Variants in OR2L3 observed in about 807,000 individuals in gnomAD.
OR2L3 encodes olfactory receptor 2L3.
For missense variants in OR2L3, 369 were observed against 376.6 expected (o/e 0.98, Z 0.17); for synonymous variants, 131 against 139.1 (o/e 0.94, Z 0.41).
rs1663675802 is a variant in OR2L3, at chr1:248,062,498, T to C, written c.*878T>C. ...AAGGTTTTGCTTGTTCTCACTCCTA[T>C]GCGAGAGCTAGAATTTTTAAAAACT... is the stretch of plus-strand genomic sequence containing the variant. On this transcript the variant is annotated 3_prime_UTR_variant, in exon 2 of 2. Coordinates refer to ENST00000359959, the MANE Select transcript of OR2L3 (RefSeq NM_001004687.2). 1.3e-5 allele frequency: 2 copies of C among 152,136 alleles called. No homozygotes were observed. Among genetic ancestry groups the C allele is most frequent in the Non-Finnish European group, 2.9e-5 (2 of 68,040 alleles). 9.4% of individuals were successfully genotyped at this position (152,136 alleles called of 1,614,324 possible).
intron 1 of OR2L3, among the ~76,000 whole-genome samples, chr1:248,059,536 G>T (rs553073289): frequency 9.2e-5 from 14 of 152,268 alleles, no homozygotes; most frequent in African/African-American, 2.2e-4. Context: ...AGGCAAAAGA[G>T]AATGGATGAT....
At chr1:248,051,140 T>C (rs1663250136) in intron 1 of OR2L3, 1 of 152,134 alleles carries the variant, frequency 6.6e-6, no homozygotes, top group Non-Finnish European at 1.5e-5. Context: ...TAACACTTTG[T>C]TTTTGTTAAA....
At chr1:248,046,970 A>G (rs2103105687) in intron 1 of OR2L3, 90 bp downstream of exon 1, 1 of 152,300 alleles carries the variant, frequency 6.6e-6, no homozygotes, top group South Asian at 2.1e-4. Context: ...TTTCAGAAAT[A>G]GAATTGAGGT....
chr1:248,055,694 T>C, intron 1 of OR2L3: 1 of 152,352 alleles, frequency 6.6e-6, no homozygotes, highest in Non-Finnish European at 1.5e-5. Context: ...GAGGCGAAGG[T>C]CGCAGTGAGC....
At chr1:248,048,919 C>CTTT (rs1452819134) in intron 1 of OR2L3, among the ~76,000 whole-genome samples, 167 of 138,242 alleles carry the variant, frequency 1.2e-3, no homozygotes, top group African/African-American at 5.2e-3. Flanking sequence ...CCTTTTCTCT[C>CTTT]TCTCTTTTTT....
At chr1:248,057,493 T>C (rs1335151100) in intron 1 of OR2L3, among the ~76,000 whole-genome samples, 1 of 152,202 alleles carries the variant, frequency 6.6e-6, no homozygotes, top group East Asian at 1.9e-4. Context: ...GCTTGGTAAA[T>C]TTTTCTCTAT....
chr1:248,060,644 CT>C lies in OR2L3; in HGVS notation c.-21-15del, dbSNP rs761619413. On this transcript the variant is annotated splice_polypyrimidine_tract_variant and intron_variant, in intron 1 of 1. Coordinates refer to ENST00000359959, the MANE Select transcript of OR2L3 (RefSeq NM_001004687.2). ...GACGAATTTCTGTGCTTAACTTACC[CT>C]TGTGTCTCCCTTCAGGAAAGAGCAC... 7.9e-6 allele frequency: 12 copies of C among 1,528,418 alleles called. No individual in the cohort carries two copies. Among genetic ancestry groups the C allele is most frequent in the South Asian group, 1.2e-5 (1 of 83,050 alleles). The allele number at this position is 1,528,418 out of a possible 1,614,324, so 94.7% of individuals were successfully genotyped here. A position where few individuals can be genotyped will look rare whatever the true frequency, so the allele number is the denominator to read the frequency against.
At position 248,048,919 on chromosome 1, in the gene OR2L3, C is replaced by CTT. The variant is rs1452819134; in HGVS notation, c.-22+2040_-22+2041insTT. On this transcript the variant is annotated intron_variant, in intron 1 of 1. Transcript: ENST00000359959. ...CCCAGCTTTTTCTTTCCTTTTCTCT[C>CTT]TCTCTTTTTTTTTTTTTTGGTAAAT... Among the ~76,000 whole-genome samples, 712 of 138,230 alleles carry CTT rather than the reference C, an allele frequency of 5.2e-3. 4 individuals carry two copies. Among genetic ancestry groups the CTT allele is most frequent in the African/African-American group, 0.021 (642 of 31,064 alleles). 90.7% of individuals were successfully genotyped at this position (138,230 alleles called of 152,430 possible). A position where few individuals can be genotyped will look rare whatever the true frequency, so the allele number is the denominator to read the frequency against.
intron 1 of OR2L3, among the ~76,000 whole-genome samples, chr1:248,051,737 T>C (rs1221002252): frequency 1.3e-5 from 2 of 152,048 alleles, no homozygotes; most frequent in Admixed American, 6.5e-5. Flanking sequence ...TAAAAAAAAA[T>C]CCAAAAATGT....
At chr1:248,050,130 C>T (rs1663212571) in intron 1 of OR2L3, among the ~76,000 whole-genome samples, 1 of 152,100 alleles carries the variant, frequency 6.6e-6, no homozygotes, top group African/African-American at 2.4e-5. Context: ...CTGCCTTTCA[C>T]ATGAGACGTA....
At chr1:248,051,727 T>A (rs1553279012) in intron 1 of OR2L3, among the ~76,000 whole-genome samples, 1 of 151,484 alleles carries the variant, frequency 6.6e-6, no homozygotes, top group Non-Finnish European at 1.5e-5. Context: ...ACTCCCTGAA[T>A]AAAAAAAAAT....
chr1:248,053,476 G>C (rs749377597), intron 1 of OR2L3, among the ~76,000 whole-genome samples: 2 of 152,142 alleles, frequency 1.3e-5, no homozygotes, highest in Non-Finnish European at 2.9e-5. Context: ...ACCCAGTAAC[G>C]GGAATGCCGG....
chr1:248,060,547 A>G (rs909576786), intron 1 of OR2L3, 114 bp from the exon 2 acceptor site: 3 of 696,588 alleles, frequency 4.3e-6, no homozygotes, highest in African/African-American at 3.6e-5. Flanking sequence ...ATAATAGTGT[A>G]TATAGGGCTC....
intron 1 of OR2L3, among the ~76,000 whole-genome samples, chr1:248,048,139 T>C (rs933858627): frequency 6.6e-6 from 1 of 152,192 alleles, no homozygotes; most frequent in African/African-American, 2.4e-5. Flanking sequence ...GAAATGTCTG[T>C]CTGCCCACTT....
In OR2L3 at chr1:248,060,679, C is replaced by T; in HGVS notation, c.-3C>T. On this transcript the variant is annotated 5_prime_UTR_variant, in exon 2 of 2. Coordinates refer to ENST00000359959, the MANE Select transcript of OR2L3 (RefSeq NM_001004687.2). ...CCTTCAGGAAAGAGCACACGAATGC[C>T]CCATGGAAAATTACAATCAAACATC... 1.2e-6 allele frequency: 2 copies of T among 1,608,378 alleles called. No individual in the cohort carries two copies. Among genetic ancestry groups the T allele is most frequent in the Non-Finnish European group, 1.7e-6 (2 of 1,176,188 alleles).
At chr1:248,058,026 G>A (rs1663496183) in intron 1 of OR2L3, among the ~76,000 whole-genome samples, 1 of 152,106 alleles carries the variant, frequency 6.6e-6, no homozygotes, top group Non-Finnish European at 1.5e-5. Context: ...AGAGAAAGTG[G>A]ACTTCCGTGT....
intron 1 of OR2L3, among the ~76,000 whole-genome samples, chr1:248,057,916 A>AGTTCTTTCTTTT (rs1663492208): frequency 6.6e-6 from 1 of 152,206 alleles, no homozygotes; most frequent in African/African-American, 2.4e-5. Flanking sequence ...ATATGCAAAC[A>AGTTCTTTCTTTT]GAAATAATTT....
intron 1 of OR2L3, among the ~76,000 whole-genome samples, chr1:248,047,415 C>T (rs1663111898): frequency 6.6e-6 from 1 of 152,098 alleles, no homozygotes; most frequent in Non-Finnish European, 1.5e-5. Flanking sequence ...GTTAAAGGGG[C>T]ATTAAAGTAA....
At chr1:248,052,742 A>T (rs969635339) in intron 1 of OR2L3, among the ~76,000 whole-genome samples, 2 of 152,116 alleles carry the variant, frequency 1.3e-5, no homozygotes, top group African/African-American at 4.8e-5. Flanking sequence ...AAAAGAAAAA[A>T]AAATCAGATT....
Sources: gnomAD v4.1 joint callset for allele counts (sites outside exome capture counted in the v4.1 genomes callset) on GRCh38, gnomAD v4.1.1 for gene constraint, MANE v1.5 for transcripts, NCBI Gene and HGNC (gene_info 2026-07-23, HGNC 2026-07-21) for gene names.